CTNNA2: variants seen among roughly 807,000 people sequenced by gnomAD.
CTNNA2 encodes the protein catenin alpha 2.
Under a neutral mutation model 101.0 loss-of-function variants are expected in CTNNA2, and 42 were observed. The ratio of observed to expected loss-of-function variants is 0.42; its 90% confidence interval spans 0.32 to 0.54. The LOEUF (loss-of-function observed/expected upper bound fraction) is 0.54, where lower values mean the gene tolerates loss of function less well. Among genes scored for constraint, CTNNA2 ranks in the 20% least tolerant of loss-of-function variants. The pLI is 0.14. For synonymous variants in CTNNA2, 450 were observed against 456.4 expected (o/e 0.99, Z 0.18); for missense variants, 871 against 1,223.1 (o/e 0.71, Z 4.29).
chr2:79,259,008 T>A (rs1050966072), intron 2 of CTNNA2, among the ~76,000 whole-genome samples: 2 of 152,170 alleles, frequency 1.3e-5, no homozygotes, highest in Non-Finnish European at 2.9e-5. Context: ...CGCATGACCC[T>A]AAGAGCTTAT....
chr2:79,880,109 A>G (rs1683314180), intron 6 of CTNNA2, among the ~76,000 whole-genome samples: 1 of 151,986 alleles, frequency 6.6e-6, no homozygotes, highest in African/African-American at 2.4e-5. Context: ...TGTTTATGTG[A>G]TGGATTACTT....
At chr2:79,729,808 A>G (rs1172670280) in intron 2 of CTNNA2, among the ~76,000 whole-genome samples, 1 of 152,124 alleles carries the variant, frequency 6.6e-6, no homozygotes, top group Non-Finnish European at 1.5e-5. Flanking sequence ...ACCCTACAGT[A>G]AAATACCAGT....
intron 7 of CTNNA2, among the ~76,000 whole-genome samples, chr2:80,001,562 G>C (rs1377380427): frequency 1.3e-5 from 2 of 152,132 alleles, no homozygotes; most frequent in Non-Finnish European, 2.9e-5. Flanking sequence ...TTTTTCTCCT[G>C]GGGATTAGTC....
At chr2:80,364,998 A>G (rs114360521) in intron 7 of CTNNA2, among the ~76,000 whole-genome samples, 16 of 152,236 alleles carry the variant, frequency 1.1e-4, no homozygotes, top group African/African-American at 3.8e-4. Context: ...GTGCTCCTAC[A>G]CACTGTAATC....
chr2:80,310,640 C>T (rs969378240), intron 7 of CTNNA2, among the ~76,000 whole-genome samples: 18 of 152,160 alleles, frequency 1.2e-4, no homozygotes, highest in Non-Finnish European at 5.9e-5. Flanking sequence ...AGTTTGCTTA[C>T]ATTACTCCTC....
chr2:80,592,283 T>C (rs1320554256), intron 15 of CTNNA2, among the ~76,000 whole-genome samples: 1 of 152,180 alleles, frequency 6.6e-6, no homozygotes, highest in African/African-American at 2.4e-5. Context: ...GGGAGCGCTT[T>C]ACTGGTCTTT....
chr2:79,918,825 A>G (rs2104369928), intron 7 of CTNNA2, among the ~76,000 whole-genome samples: 1 of 152,358 alleles, frequency 6.6e-6, no homozygotes, highest in African/African-American at 2.4e-5. Context: ...GAATCCCTAA[A>G]AGCAAAACAG....
chr2:80,630,681 T>C (rs1672196391), intron 18 of CTNNA2, among the ~76,000 whole-genome samples: 1 of 152,028 alleles, frequency 6.6e-6, no homozygotes, highest in Non-Finnish European at 1.5e-5. Flanking sequence ...AATTTTTACA[T>C]GGTGAGAGAA....
intron 3 of CTNNA2, among the ~76,000 whole-genome samples, chr2:79,334,421 A>G (rs1032597256): frequency 6.6e-6 from 1 of 152,176 alleles, no homozygotes; most frequent in African/African-American, 2.4e-5. Context: ...TGTAAAGGAC[A>G]TAACCTGGAC....
At chr2:80,539,871 G>A (rs918435002) in intron 9 of CTNNA2, among the ~76,000 whole-genome samples, 9 of 152,164 alleles carry the variant, frequency 5.9e-5, no homozygotes, top group African/African-American at 2.2e-4. Flanking sequence ...TTAATGAAAT[G>A]CTTTATTGTT....
intron 4 of CTNNA2, among the ~76,000 whole-genome samples, chr2:79,494,927 G>T (rs10209895): frequency 0.068 from 10,261 of 151,918 alleles, 496 homozygotes; most frequent in Non-Finnish European, 0.11. Context: ...TGGCTAACAC[G>T]GTTCTCTACT....
At chr2:80,517,672 G>C (rs1689208525) in intron 9 of CTNNA2, among the ~76,000 whole-genome samples, 1 of 152,206 alleles carries the variant, frequency 6.6e-6, no homozygotes, top group African/African-American at 2.4e-5. Context: ...AGAATGTCTA[G>C]AGCCGAGAGT....
At chr2:80,235,757 C>T (rs956806720) in intron 7 of CTNNA2, among the ~76,000 whole-genome samples, 4 of 152,134 alleles carry the variant, frequency 2.6e-5, no homozygotes, top group Admixed American at 6.5e-5. Context: ...ACCTTAGGGT[C>T]GCACCATAAA....
In CTNNA2 at chr2:80,601,421, C is replaced by CTT. The variant is rs56921519; in HGVS notation, c.2190-2639_2190-2638dup. 4.7e-4 allele frequency among the ~76,000 whole-genome samples: 40 copies of CTT among 84,394 alleles called. 2 individuals carry two copies. The highest frequency in any genetic ancestry group is 1.6e-3 in the African/African-American group (33 of 21,006). The allele number at this position is 84,394 out of a possible 152,430, so 55.4% of individuals were successfully genotyped here. ...TAATGACTTTTTTCTTTCTTTCTTT[C>CTT]TTTTTTTTTTTTTTTGATGAGTTCT... On this transcript the variant is annotated intron_variant, in intron 15 of 18. Transcript: ENST00000402739.
chr2:79,311,073 C>T, intron 2 of CTNNA2, among the ~76,000 whole-genome samples: 1 of 152,178 alleles, frequency 6.6e-6, no homozygotes, highest in East Asian at 1.9e-4. Flanking sequence ...CAGTAGGAAG[C>T]TCTAGTCACC....
intron 9 of CTNNA2, among the ~76,000 whole-genome samples, chr2:80,461,929 G>C (rs1231600692): frequency 2.0e-5 from 3 of 152,204 alleles, no homozygotes; most frequent in Non-Finnish European, 2.9e-5. Context: ...GTCAGCAAGG[G>C]CAGGTTGAGT....
chr2:79,936,227 T>A lies in CTNNA2; in HGVS notation c.1056+26430T>A, dbSNP rs187553452. ...CAGTATTTCTGAGTTTGTTTTTTTTTATTTTTTTTCTCATGCTGGGATTTT... is the reference window on the plus strand; with the variant it reads ...CAGTATTTCTGAGTTTGTTTTTTTTAATTTTTTTTCTCATGCTGGGATTTT... On this transcript the variant is annotated intron_variant, in intron 7 of 18. Transcript: ENST00000402739. Among the ~76,000 whole-genome samples the A allele has an allele frequency of 3.2e-3, 442 of 139,652 alleles. 1 individual carries two copies. The highest frequency in any genetic ancestry group is 0.011 in the African/African-American group (409 of 38,162). The allele number at this position is 139,652 out of a possible 152,430, so 91.6% of individuals were successfully genotyped here. A position where few individuals can be genotyped will look rare whatever the true frequency, so the allele number is the denominator to read the frequency against.
intron 7 of CTNNA2, among the ~76,000 whole-genome samples, chr2:80,179,653 G>A (rs1387090230): frequency 4.6e-5 from 7 of 152,186 alleles, no homozygotes; most frequent in East Asian, 1.9e-4. Context: ...GATTACAGGT[G>A]TGAGCCACTG....
intron 2 of CTNNA2, among the ~76,000 whole-genome samples, chr2:79,262,025 G>A (rs1674928835): frequency 6.6e-6 from 1 of 152,152 alleles, no homozygotes; most frequent in African/African-American, 2.4e-5. Flanking sequence ...AGCATGTCTA[G>A]GTCTGGGCAT....
Sources: gnomAD v4.1 joint callset for allele counts (sites outside exome capture counted in the v4.1 genomes callset) on GRCh38, gnomAD v4.1.1 for gene constraint, MANE v1.5 for transcripts, NCBI Gene and HGNC (gene_info 2026-07-23, HGNC 2026-07-21) for gene names.